KIAA0825: variants seen among roughly 807,000 people sequenced by gnomAD.
The protein encoded by KIAA0825 is KIAA0825.
KIAA0825 carries 119 observed loss-of-function variants against 147.6 expected under a neutral mutation model. The ratio of observed to expected loss-of-function variants is 0.81; its 90% CI spans 0.69 to 0.94. The LOEUF is 0.94. KIAA0825 is among the 40% of genes least tolerant of loss of function. KIAA0825 has a pLI of 0.00. For synonymous variants in KIAA0825, 470 were observed against 518.1 expected (o/e 0.91, Z 1.26); for missense variants, 1,381 against 1,472.7 (o/e 0.94, Z 1.02).
chr5:94,346,060 AGGGTGTGGCACCG>A (rs1782953680), intron 20 of KIAA0825, among the ~76,000 whole-genome samples: 1 of 152,206 alleles, frequency 6.6e-6, no homozygotes, highest in African/African-American at 2.4e-5. Context: ...TACCAGGCCC[AGGGTGTGGCACCG>A]GGCTGTCTGC....
chr5:94,302,757 A>G (rs1164217303), intron 20 of KIAA0825, among the ~76,000 whole-genome samples: 1 of 152,138 alleles, frequency 6.6e-6, no homozygotes, highest in African/African-American at 2.4e-5. Flanking sequence ...CTAACAATGT[A>G]TTTACAGTTA....
chr5:94,337,786 G>C (rs1444569667), intron 20 of KIAA0825, among the ~76,000 whole-genome samples: 5 of 152,156 alleles, frequency 3.3e-5, no homozygotes, highest in Non-Finnish European at 2.9e-5. Flanking sequence ...AATCAGACTG[G>C]AGCTACAGGC....
chr5:94,536,998 T>C lies in KIAA0825; in HGVS notation c.129A>G (p.Ala43=), dbSNP rs1188551706. ...DIDEKIEQNA[A]SIKHCIKEIQ... ...TTTAAATAATTAACAATATTTACCT[T>C]GCAGCATTTTGTTCAATCTTTTCAT... The change falls in exon 3 of 21, where the codon GCA becomes GCG. Residue 43 remains alanine (A), a splice_region_variant and synonymous_variant. Coordinates refer to ENST00000682413, the MANE Select transcript of KIAA0825 (RefSeq NM_001145678.3). 6.3e-7 allele frequency: 1 copy of C among 1,594,830 alleles called. No individual in the cohort carries two copies. Among genetic ancestry groups the C allele is most frequent in the South Asian group, 1.1e-5 (1 of 88,328 alleles).
intron 2 of KIAA0825, among the ~76,000 whole-genome samples, chr5:94,543,346 G>C (rs1773711018): frequency 6.6e-6 from 1 of 152,220 alleles, no homozygotes; most frequent in Non-Finnish European, 1.5e-5. Flanking sequence ...AGGAGGCTAA[G>C]GCAGGAGAAT....
At chr5:94,513,554 T>C (rs1464052164) in intron 5 of KIAA0825, among the ~76,000 whole-genome samples, 3 of 152,198 alleles carry the variant, frequency 2.0e-5, no homozygotes, top group African/African-American at 4.8e-5. Flanking sequence ...ATACATGTTC[T>C]CTTTTACCCA....
At chr5:94,586,041 T>C (rs557186028) in intron 1 of KIAA0825, among the ~76,000 whole-genome samples, 24 of 152,076 alleles carry the variant, frequency 1.6e-4, no homozygotes, top group Non-Finnish European at 2.9e-4. Context: ...TTTAAAACAG[T>C]GTGTAGTGGG....
intron 20 of KIAA0825, among the ~76,000 whole-genome samples, chr5:94,373,227 G>C (rs544214446): frequency 2.5e-3 from 374 of 152,194 alleles, no homozygotes; most frequent in Admixed American, 7.9e-3. Flanking sequence ...CCTCTAAACT[G>C]TTCCAACGTC....
chr5:94,374,545 A>G (rs1359158183), intron 20 of KIAA0825, among the ~76,000 whole-genome samples: 1 of 152,128 alleles, frequency 6.6e-6, no homozygotes, highest in Non-Finnish European at 1.5e-5. Context: ...CTCTGTATCT[A>G]TCATAGTATT....
intron 2 of KIAA0825, among the ~76,000 whole-genome samples, chr5:94,547,433 C>G (rs1774624407): frequency 6.6e-6 from 1 of 152,010 alleles, no homozygotes; most frequent in Admixed American, 6.6e-5. Flanking sequence ...TCCCAAAAGT[C>G]ATAGATTAAA....
chr5:94,381,195 T>C (rs897526153), intron 20 of KIAA0825, among the ~76,000 whole-genome samples: 2 of 152,230 alleles, frequency 1.3e-5, no homozygotes, highest in African/African-American at 4.8e-5. Context: ...CTGGATGTTC[T>C]GAGTGTTCGA....
intron 1 of KIAA0825, chr5:94,592,909 G>A (rs995810050): frequency 3.4e-6 from 2 of 580,648 alleles, no homozygotes; most frequent in Non-Finnish European, 6.5e-6. Context: ...TAAGTGTATA[G>A]ATGAGGAGCA....
chr5:94,232,865 T>TCA (rs1185217455), intron 20 of KIAA0825, among the ~76,000 whole-genome samples: 2 of 152,088 alleles, frequency 1.3e-5, no homozygotes, highest in African/African-American at 4.8e-5. Context: ...CTTGCATAAC[T>TCA]CACAAAAAGT....
At chr5:94,608,927 T>G (rs1356025912) in intron 1 of KIAA0825, among the ~76,000 whole-genome samples, 1 of 152,086 alleles carries the variant, frequency 6.6e-6, no homozygotes, top group Non-Finnish European at 1.5e-5. Context: ...CATACCTCAA[T>G]GAATCAATAT....
intron 5 of KIAA0825, among the ~76,000 whole-genome samples, chr5:94,505,347 C>T (rs980993704): frequency 2.2e-4 from 33 of 147,402 alleles, no homozygotes; most frequent in African/African-American, 6.0e-4. Context: ...GGTGGCAGAG[C>T]GAGACTCTGT....
At chr5:94,416,689 G>T (rs1330442148) in intron 15 of KIAA0825, 1 of 154,606 alleles carries the variant, frequency 6.5e-6, no homozygotes. Context: ...GAAGGAAGAA[G>T]AACAATACAG....
chr5:94,212,177 TGAAA>T (rs1372517251), intron 20 of KIAA0825, among the ~76,000 whole-genome samples: 1 of 152,208 alleles, frequency 6.6e-6, no homozygotes, highest in Non-Finnish European at 1.5e-5. Context: ...GATTTGTGCC[TGAAA>T]GAAGAAATAT....
chr5:94,404,935 CTT>C (rs1751855612), intron 15 of KIAA0825, among the ~76,000 whole-genome samples: 1 of 152,026 alleles, frequency 6.6e-6, no homozygotes, highest in South Asian at 2.1e-4. Flanking sequence ...TATTTATGGT[CTT>C]TGTTAGTTTT....
At chr5:94,413,962 C>A (rs1338793602) in intron 15 of KIAA0825, 1 of 152,134 alleles carries the variant, frequency 6.6e-6, no homozygotes, top group Non-Finnish European at 1.5e-5. Context: ...GTAATAGAGA[C>A]AATCACTGTG....
chr5:94,610,435 A>AAAAAAG (rs1160157627), intron 1 of KIAA0825, among the ~76,000 whole-genome samples: 3 of 149,046 alleles, frequency 2.0e-5, no homozygotes, highest in Admixed American at 6.7e-5. Flanking sequence ...TCAAAAAAAA[A>AAAAAAG]AAAAAGAAAA....
Sources: gnomAD v4.1 joint callset for allele counts (sites outside exome capture counted in the v4.1 genomes callset) on GRCh38, gnomAD v4.1.1 for gene constraint, MANE v1.5 for transcripts, NCBI Gene and HGNC (gene_info 2026-07-23, HGNC 2026-07-21) for gene names.